TEX11: variants seen among roughly 807,000 people sequenced by gnomAD.
TEX11 encodes the protein testis expressed 11.
Under a neutral mutation model 84.4 loss-of-function variants are expected in TEX11, and 7 were observed. The ratio of observed to expected loss-of-function variants is 0.08; its 90% confidence interval spans 0.05 to 0.16. The LOEUF is 0.16. Ranked by LOEUF, TEX11 falls within the 10% of genes least tolerant of loss-of-function variation. TEX11 has a pLI of 1.00. For missense variants in TEX11, 551 were observed against 660.5 expected (o/e 0.83, Z 1.82); for synonymous variants, 264 against 222.8 (o/e 1.18, Z -1.64).
At chrX:70,732,753 T>A (rs1424470306) in intron 11 of TEX11, among the ~76,000 whole-genome samples, 1 of 110,305 alleles carries the variant, frequency 9.1e-6, no homozygotes, top group Admixed American at 9.7e-5. Context: ...TTCAATGCCA[T>A]CCCCATCAAG....
intron 9 of TEX11, among the ~76,000 whole-genome samples, chrX:70,782,878 A>G (rs2091050900): frequency 1.8e-5 from 2 of 110,351 alleles, no homozygotes; most frequent in South Asian, 7.7e-4. Context: ...CACAATAATA[A>G]TGGGAGACTT....
chrX:70,833,159 A>T (rs1320590887), intron 8 of TEX11, among the ~76,000 whole-genome samples: 2 of 108,700 alleles, frequency 1.8e-5, no homozygotes, highest in African/African-American at 6.7e-5. Context: ...AATCCCAGCT[A>T]CTCAGGAGGC....
intron 26 of TEX11, among the ~76,000 whole-genome samples, 160 bp downstream of exon 26, chrX:70,554,491 T>C (rs1320593331): frequency 9.0e-6 from 1 of 111,200 alleles, no homozygotes; most frequent in African/African-American, 3.3e-5. Context: ...ATGATCATAA[T>C]ACAAAATAGT....
At chrX:70,882,027 C>CA (rs61563153) in intron 2 of TEX11, among the ~76,000 whole-genome samples, 3,720 of 41,487 alleles carry the variant, frequency 0.09, 343 homozygotes, top group African/African-American at 0.28. Flanking sequence ...GACTCCATCT[C>CA]AAAAAAAAAA....
intron 10 of TEX11, among the ~76,000 whole-genome samples, chrX:70,742,719 T>C (rs949449262): frequency 1.4e-4 from 15 of 110,035 alleles, no homozygotes; most frequent in Non-Finnish European, 3.8e-5. Flanking sequence ...CAAGACCCTG[T>C]CTCAAAAAAA....
chrX:70,668,001 CCAGA>C (rs748140589), intron 16 of TEX11, among the ~76,000 whole-genome samples: 29 of 111,096 alleles, frequency 2.6e-4, no homozygotes, highest in South Asian at 3.9e-4. Context: ...AGTAAGGTCC[CCAGA>C]CAAAGTTACT....
chrX:70,748,996 G>A (rs868200635), intron 9 of TEX11, among the ~76,000 whole-genome samples: 144 of 104,547 alleles, frequency 1.4e-3, no homozygotes, highest in African/African-American at 4.3e-3. Flanking sequence ...CATTGAATCT[G>A]TAAATTACCT....
chrX:70,756,849 C>T (rs111671743), intron 9 of TEX11, among the ~76,000 whole-genome samples: 14,535 of 111,390 alleles, frequency 0.13, 817 homozygotes, highest in Middle Eastern at 0.26. Context: ...TCTAACCCAT[C>T]GCAAGGAAGC....
intron 17 of TEX11, among the ~76,000 whole-genome samples, chrX:70,645,031 C>G (rs186069540): frequency 7.1e-4 from 78 of 109,365 alleles, no homozygotes; most frequent in African/African-American, 2.4e-3. Flanking sequence ...AATTATGTAC[C>G]AAGAAATTGG....
intron 15 of TEX11, 96 bp from the exon 16 acceptor site, chrX:70,670,610 CT>C (rs2090014039): frequency 5.2e-6 from 5 of 970,312 alleles, no homozygotes; most frequent in Admixed American, 7.4e-5. Context: ...CTGTTGGTTT[CT>C]TTTTTAGGCA....
At chrX:70,649,219 T>C (rs898736459) in intron 17 of TEX11, among the ~76,000 whole-genome samples, 4 of 112,033 alleles carry the variant, frequency 3.6e-5, no homozygotes, top group Admixed American at 1.9e-4. Flanking sequence ...TTATATTCCT[T>C]TGAGTATATA....
At position 70,608,740 on chromosome X, in the gene TEX11, C is replaced by CAA. The variant is rs61517512; in HGVS notation, c.1879+349_1879+350dup. Among the ~76,000 whole-genome samples the CAA allele has an allele frequency of 7.0e-3, 469 of 66,908 alleles. 13 individuals carry two copies. Among genetic ancestry groups the CAA allele is most frequent in the African/African-American group, 0.025 (439 of 17,765 alleles). The allele number at this position is 66,908 out of a possible 115,157, so 58.1% of individuals were successfully genotyped here. On this transcript the variant is annotated intron_variant, in intron 22 of 29. Coordinates refer to ENST00000374333, the MANE Select transcript of TEX11 (RefSeq NM_031276.3). ...TGGGCGACAGAGCGAGACTCCATCT[C>CAA]AAAAAAAAAAAAAAAAAAATTAAGT...
intron 2 of TEX11, among the ~76,000 whole-genome samples, chrX:70,905,142 G>A (rs1022515880): frequency 9.0e-6 from 1 of 111,582 alleles, no homozygotes; most frequent in African/African-American, 3.3e-5. Flanking sequence ...GGGCAACACA[G>A]CGAAACCCCA....
At chrX:70,604,597 A>T (rs2089173958) in intron 24 of TEX11, among the ~76,000 whole-genome samples, 1 of 111,454 alleles carries the variant, frequency 9.0e-6, no homozygotes, top group African/African-American at 3.3e-5. Flanking sequence ...TCCAAAGAAC[A>T]ATATGAAATA....
At position 70,623,983 on chromosome X, in the gene TEX11, G is replaced by A. The variant is rs1422599964; in HGVS notation, c.1718C>T (p.Pro573Leu). 1 of 1,204,518 alleles carries A rather than the reference G, an allele frequency of 8.3e-7. No homozygotes were observed. Among genetic ancestry groups the A allele is most frequent in the Non-Finnish European group, 1.1e-6 (1 of 891,880 alleles). ...AVKCLLRFLL[P>L]KIAEMPESED... ...AGATTCCGGCATTTCAGCAATTTTT[G>A]GAAGAAGAAAACGAAGCAAACACCT... The change falls in exon 20 of 30, where the codon CCA becomes CTA. Residue 573 changes from proline to leucine, a missense_variant. Physicochemically the swap from Pro to Leu is moderately conservative, Grantham distance 98. Coordinates refer to ENST00000374333, the MANE Select transcript of TEX11 (RefSeq NM_031276.3).
At chrX:70,521,265 A>AT in the TEX11 span, among the ~76,000 whole-genome samples, 3 of 109,248 alleles carry the variant, frequency 2.7e-5, no homozygotes, top group Admixed American at 9.8e-5. Flanking sequence ...CTATTTGGCC[A>AT]TCTTGGAATG....
intron 9 of TEX11, among the ~76,000 whole-genome samples, chrX:70,799,305 A>G (rs2091173600): frequency 9.0e-6 from 1 of 111,712 alleles, no homozygotes; most frequent in African/African-American, 3.2e-5. Context: ...GGAAACAAAA[A>G]GAAGTCAGAA....
chrX:70,539,040 T>TATATATATATATA (rs1447496117), intron 28 of TEX11, among the ~76,000 whole-genome samples: 1 of 9,584 alleles, frequency 1.0e-4, no homozygotes, highest in Non-Finnish European at 2.6e-4. Flanking sequence ...ATATATATAT[T>TATATATATATATA]TTTTTTTTTT....
intron 13 of TEX11, among the ~76,000 whole-genome samples, chrX:70,717,171 T>C (rs1413766270): frequency 7.4e-5 from 5 of 67,863 alleles, no homozygotes; most frequent in African/African-American, 2.0e-4. Flanking sequence ...AGGTGAAATT[T>C]CAAAAAAAAA....
Sources: allele counts gnomAD v4.1 joint callset (sites outside exome capture counted in the v4.1 genomes callset), GRCh38; gene constraint gnomAD v4.1.1; transcripts MANE v1.5; gene names NCBI Gene and HGNC (gene_info 2026-07-23, HGNC 2026-07-21).